MAPRE2: variants seen among roughly 807,000 people sequenced by gnomAD.
MAPRE2 encodes microtubule associated protein RP/EB family member 2.
MAPRE2 carries 13 observed loss-of-function variants against 43.2 expected under a neutral mutation model. That is an observed-to-expected ratio of 0.30 (90% CI 0.20 to 0.48). MAPRE2 has a LOEUF of 0.48. MAPRE2 is among the 20% of genes least tolerant of loss of function. The pLI, the probability that MAPRE2 is intolerant of heterozygous loss-of-function variation, is 0.99. For synonymous variants in MAPRE2, 135 were observed against 148.8 expected (o/e 0.91, Z 0.68); for missense variants, 161 against 400.2 (o/e 0.40, Z 5.10).
chr18:35,121,556 G>A (rs1459297010), intron 4 of MAPRE2, among the ~76,000 whole-genome samples: 4 of 151,898 alleles, frequency 2.6e-5, no homozygotes, highest in African/African-American at 9.7e-5. Flanking sequence ...TGTAAACAGG[G>A]CCACTACTAA....
chr18:35,022,105 A>T (rs2097042285), intron 2 of MAPRE2, among the ~76,000 whole-genome samples: 1 of 152,190 alleles, frequency 6.6e-6, no homozygotes, highest in Admixed American at 6.5e-5. Flanking sequence ...AAACAAATAG[A>T]TAACTTCTAA....
At chr18:35,019,163 C>A (rs568833445) in intron 2 of MAPRE2, among the ~76,000 whole-genome samples, 1 of 151,956 alleles carries the variant, frequency 6.6e-6, no homozygotes, top group East Asian at 1.9e-4. Flanking sequence ...GTATTGATTT[C>A]TATTTTTATT....
At chr18:35,097,408 G>A (rs1028896663) in intron 2 of MAPRE2, 38 bp from the exon 3 acceptor site, 2 of 1,602,088 alleles carry the variant, frequency 1.2e-6, no homozygotes, top group African/African-American at 2.7e-5. Context: ...TCTGGGTACA[G>A]TGAGACTCAC....
chr18:35,090,885 C>T (rs1021003699), intron 2 of MAPRE2, among the ~76,000 whole-genome samples: 3 of 152,024 alleles, frequency 2.0e-5, no homozygotes, highest in African/African-American at 2.4e-5. Context: ...ACAAAATCAG[C>T]GTAACAAAAG....
intron 2 of MAPRE2, among the ~76,000 whole-genome samples, chr18:35,011,254 C>T (rs892308836): frequency 5.9e-5 from 9 of 152,084 alleles, no homozygotes; most frequent in African/African-American, 1.9e-4. Flanking sequence ...TTCCAAGTTT[C>T]GAGGCGTCTA....
chr18:35,059,340 C>A (rs1372893226), intron 1 of MAPRE2, among the ~76,000 whole-genome samples: 1 of 151,956 alleles, frequency 6.6e-6, no homozygotes, highest in African/African-American at 2.4e-5. Context: ...AAAAAAATGC[C>A]TAGAAGACAG....
chr18:35,055,323 C>T (rs1481349325), intron 1 of MAPRE2, among the ~76,000 whole-genome samples: 1 of 152,188 alleles, frequency 6.6e-6, no homozygotes, highest in Non-Finnish European at 1.5e-5. Flanking sequence ...CTTGCAGCTT[C>T]ATCACGCCCA....
chr18:35,132,474 A>G (rs1910203121), intron 6 of MAPRE2, among the ~76,000 whole-genome samples: 2 of 152,268 alleles, frequency 1.3e-5, no homozygotes, highest in Non-Finnish European at 2.9e-5. Flanking sequence ...AGTGGTCTGC[A>G]GCTCTCTGAG....
rs1422281105 is a variant in MAPRE2, at chr18:35,140,289, C to G, written c.910-6C>G. On this transcript the variant is annotated splice_polypyrimidine_tract_variant and splice_region_variant and intron_variant, in intron 6 of 6. Transcript: ENST00000300249. ...ATCTCAGCTGAAACTTCTCCCCTGC[C>G]CACAGGAGGGCCACACAGAAGAGCC... The G allele has an allele frequency of 5.0e-6, 8 of 1,612,972 alleles. No individual in the cohort carries two copies. The Admixed American group carries it at 5.0e-5, about 10-fold the overall frequency.
intron 1 of MAPRE2, among the ~76,000 whole-genome samples, chr18:34,991,045 G>A (rs1038861175): frequency 1.6e-4 from 24 of 152,096 alleles, no homozygotes; most frequent in Admixed American, 1.4e-3. Flanking sequence ...TAGATTCAGG[G>A]GGGCACATGC....
chr18:35,132,860 G>A (rs181380122), intron 6 of MAPRE2, among the ~76,000 whole-genome samples: 1 of 152,278 alleles, frequency 6.6e-6, no homozygotes, highest in African/African-American at 2.4e-5. Flanking sequence ...AAGCGGGGCA[G>A]GATGCATGGC....
intron 2 of MAPRE2, among the ~76,000 whole-genome samples, chr18:35,075,496 A>G (rs1020118105): frequency 2.0e-5 from 3 of 152,194 alleles, no homozygotes; most frequent in Non-Finnish European, 2.9e-5. Flanking sequence ...ATATTCTTTC[A>G]GTGTCTGTAA....
At chr18:35,063,870 C>T (rs1478029987) in intron 1 of MAPRE2, among the ~76,000 whole-genome samples, 3 of 151,924 alleles carry the variant, frequency 2.0e-5, no homozygotes, top group Non-Finnish European at 2.9e-5. Context: ...TGGTGGCACA[C>T]GCCTGTAGTC....
At chr18:35,084,039 G>A (rs969436125) in intron 2 of MAPRE2, among the ~76,000 whole-genome samples, 2 of 152,162 alleles carry the variant, frequency 1.3e-5, no homozygotes, top group South Asian at 2.1e-4. Context: ...AACATTTAAT[G>A]TAGTTCTGCA....
intron 1 of MAPRE2, among the ~76,000 whole-genome samples, chr18:35,044,523 C>T (rs909921379): frequency 3.9e-5 from 6 of 152,224 alleles, no homozygotes; most frequent in African/African-American, 1.4e-4. Context: ...CCCCACTGCA[C>T]CCAGCCTTAG....
intron 6 of MAPRE2, among the ~76,000 whole-genome samples, chr18:35,136,308 A>T (rs901304418): frequency 6.6e-6 from 1 of 152,158 alleles, no homozygotes; most frequent in African/African-American, 2.4e-5. Flanking sequence ...TGTTTCCTGC[A>T]GGGACAGGCT....
intron 1 of MAPRE2, among the ~76,000 whole-genome samples, chr18:34,983,032 T>G (rs1488452278): frequency 6.6e-6 from 1 of 152,196 alleles, no homozygotes; most frequent in Non-Finnish European, 1.5e-5. Flanking sequence ...CCAAAGACTG[T>G]ATGCCCACAA....
intron 2 of MAPRE2, among the ~76,000 whole-genome samples, chr18:35,027,268 G>T (rs1477915962): frequency 1.3e-5 from 2 of 152,158 alleles, no homozygotes; most frequent in African/African-American, 2.4e-5. Context: ...GTGGAACTTT[G>T]TGGCAGCCCT....
chr18:35,090,086 A>G (rs558950228), intron 2 of MAPRE2, among the ~76,000 whole-genome samples: 1 of 152,182 alleles, frequency 6.6e-6, no homozygotes, highest in Admixed American at 6.5e-5. Flanking sequence ...GAATAGTCAG[A>G]TCCATAGAGA....
Sources: allele counts gnomAD v4.1 joint callset (sites outside exome capture counted in the v4.1 genomes callset), GRCh38; gene constraint gnomAD v4.1.1; transcripts MANE v1.5; gene names NCBI Gene and HGNC (gene_info 2026-07-23, HGNC 2026-07-21).